Variants in FLI1 observed in about 807,000 individuals in gnomAD.
The protein encoded by FLI1 is Fli-1 proto-oncogene, ETS transcription factor, also known as Friend leukemia integration 1 transcription factor.
FLI1 carries 13 observed loss-of-function variants against 53.1 expected under a neutral mutation model. That is an observed-to-expected ratio of 0.24 (90% confidence interval 0.16 to 0.39). The LOEUF is 0.39. FLI1 is among the 10% of genes least tolerant of loss of function. The pLI is 1.00. For synonymous variants in FLI1, 244 were observed against 236.7 expected (o/e 1.03, Z -0.28); for missense variants, 424 against 600.5 (o/e 0.71, Z 3.07).
intron 2 of FLI1, among the ~76,000 whole-genome samples, chr11:128,760,295 G>T (rs1234708559): frequency 6.6e-6 from 1 of 152,166 alleles, no homozygotes; most frequent in Non-Finnish European, 1.5e-5. Flanking sequence ...TTTAAAGGAG[G>T]CAAAGTTGGA....
intron 1 of FLI1, among the ~76,000 whole-genome samples, chr11:128,740,512 C>T (rs1241858246): frequency 3.3e-5 from 5 of 152,226 alleles, no homozygotes; most frequent in Non-Finnish European, 7.3e-5. Context: ...ATACTTTTAG[C>T]TCCCCACTTT....
At chr11:128,728,250 G>A (rs771198962) in intron 1 of FLI1, among the ~76,000 whole-genome samples, 8 of 152,248 alleles carry the variant, frequency 5.3e-5, no homozygotes, top group Non-Finnish European at 1.0e-4. Flanking sequence ...GTGCACTTCC[G>A]GATTCCCTTT....
intron 4 of FLI1, 97 bp from the exon 5 acceptor site, chr11:128,781,861 C>G: frequency 2.1e-6 from 2 of 937,210 alleles, no homozygotes; most frequent in Non-Finnish European, 3.5e-6. Flanking sequence ...TCCCCTCTCC[C>G]CATCTCTTTC....
At chr11:128,686,695 C>T in exon 1 of FLI1, 1 of 347,156 alleles carries the variant, frequency 2.9e-6, no homozygotes, top group South Asian at 2.1e-5. Context: ...CGTCGTCTTA[C>T]ATCAAGGTAA....
At chr11:128,784,224 C>CTCCTCCTCCTCCTCCTCA (rs2135869289) in intron 5 of FLI1, among the ~76,000 whole-genome samples, 1 of 22,774 alleles carries the variant, frequency 4.4e-5, no homozygotes, top group South Asian at 1.2e-3. Context: ...TAACCATCTC[C>CTCCTCCTCCTCCTCCTCA]TCCTCCTCCT....
In FLI1 at chr11:128,811,177, C is replaced by G. The variant is rs1008675856; in HGVS notation, c.*189C>G. On this transcript the variant is annotated 3_prime_UTR_variant, in exon 9 of 9. Coordinates refer to ENST00000527786, the MANE Select transcript of FLI1 (RefSeq NM_002017.5). Reference sequence around the variant, plus strand: ...TGTTGGTAACTTTTGCTTCCTCTACCTGAACAAAGAGATGAATAATTCCAT... The same window carrying G: ...TGTTGGTAACTTTTGCTTCCTCTACGTGAACAAAGAGATGAATAATTCCAT... The G allele has an allele frequency of 1.7e-6, 1 of 600,762 alleles. No homozygotes were observed. Among genetic ancestry groups the G allele is most frequent in the African/African-American group, 1.9e-5 (1 of 53,860 alleles). The allele number at this position is 600,762 out of a possible 1,614,324, so 37.2% of individuals were successfully genotyped here.
intron 1 of FLI1, among the ~76,000 whole-genome samples, chr11:128,701,099 C>T (rs1212123425): frequency 6.6e-6 from 1 of 152,194 alleles, no homozygotes; most frequent in Non-Finnish European, 1.5e-5. Flanking sequence ...AGGCAACCAG[C>T]AGTGCTGTCT....
rs1343996201 is a variant in FLI1 at position 128,694,084 on chromosome 11, G to T, written c.-175G>T. 1 of 505,612 alleles carries T rather than the reference G, an allele frequency of 2.0e-6. No homozygotes were observed. Among genetic ancestry groups the T allele is most frequent in the East Asian group, 3.5e-5 (1 of 28,342 alleles). 31.3% of individuals were successfully genotyped at this position (505,612 alleles called of 1,614,324 possible). On this transcript the variant is annotated 5_prime_UTR_variant, in exon 1 of 9. Coordinates refer to ENST00000527786, the MANE Select transcript of FLI1 (RefSeq NM_002017.5). ...TCCGGTTAACTGTCTCTTTCGCTCC[G>T]CTACAACAACAAACGTGCACAGGGG...
intron 1 of FLI1, among the ~76,000 whole-genome samples, chr11:128,712,446 G>C (rs1409767542): frequency 1.3e-5 from 2 of 152,180 alleles, no homozygotes; most frequent in African/African-American, 4.8e-5. Context: ...AGCTAGTGCT[G>C]TTCTATGGTA....
intron 2 of FLI1, among the ~76,000 whole-genome samples, chr11:128,759,889 G>C (rs1485741411): frequency 6.6e-6 from 1 of 152,204 alleles, no homozygotes; most frequent in Admixed American, 6.5e-5. Context: ...AACTAGTCTA[G>C]ATTGAAGAGA....
At chr11:128,711,707 T>C (rs1938791144) in intron 1 of FLI1, among the ~76,000 whole-genome samples, 1 of 152,242 alleles carries the variant, frequency 6.6e-6, no homozygotes, top group Non-Finnish European at 1.5e-5. Context: ...GGCATTGTAC[T>C]TGCTTATTTT....
intron 1 of FLI1, among the ~76,000 whole-genome samples, chr11:128,751,558 G>C (rs1367202900): frequency 6.6e-6 from 1 of 151,450 alleles, no homozygotes; most frequent in East Asian, 1.9e-4. Flanking sequence ...ACGGAGTCTC[G>C]CTCTGTCGCC....
intron 1 of FLI1, among the ~76,000 whole-genome samples, chr11:128,726,432 G>C (rs966301041): frequency 8.5e-5 from 13 of 152,148 alleles, no homozygotes; most frequent in South Asian, 2.1e-4. Flanking sequence ...TGGCCCCAAG[G>C]CTGGACAGAG....
chr11:128,802,420 T>A (rs1372982881), intron 5 of FLI1, among the ~76,000 whole-genome samples: 5 of 152,056 alleles, frequency 3.3e-5, no homozygotes, highest in Non-Finnish European at 7.4e-5. Context: ...AAAAAAGAAA[T>A]GAGAGGGAGG....
intron 1 of FLI1, among the ~76,000 whole-genome samples, chr11:128,717,889 G>A (rs1255082327): frequency 6.6e-6 from 1 of 152,202 alleles, no homozygotes; most frequent in East Asian, 1.9e-4. Flanking sequence ...TCTAGTCCCT[G>A]AATAGAGGAG....
chr11:128,755,774 G>A (rs1353780030), intron 1 of FLI1, among the ~76,000 whole-genome samples: 1 of 152,198 alleles, frequency 6.6e-6, no homozygotes, highest in Non-Finnish European at 1.5e-5. Flanking sequence ...GTTGGGGGAT[G>A]TAAGTGTTTT....
At chr11:128,703,563 G>A (rs1330797983) in intron 1 of FLI1, among the ~76,000 whole-genome samples, 1 of 152,034 alleles carries the variant, frequency 6.6e-6, no homozygotes, top group Non-Finnish European at 1.5e-5. Flanking sequence ...CAAAATATTG[G>A]GCCGGGCACG....
chr11:128,741,857 T>C (rs1399188316), intron 1 of FLI1, among the ~76,000 whole-genome samples: 8 of 152,290 alleles, frequency 5.3e-5, no homozygotes, highest in Admixed American at 4.6e-4. Context: ...GCTTGGTTGG[T>C]TTCTGGGATG....
intron 1 of FLI1, among the ~76,000 whole-genome samples, chr11:128,757,102 T>TTCTC (rs1198594247): frequency 4.0e-4 from 51 of 128,776 alleles, no homozygotes; most frequent in Admixed American, 1.5e-3. Flanking sequence ...CTTTCTTTCT[T>TTCTC]TCTTTCTTTC....
Sources: allele counts gnomAD v4.1 joint callset (sites outside exome capture counted in the v4.1 genomes callset), GRCh38; gene constraint gnomAD v4.1.1; transcripts MANE v1.5; gene names NCBI Gene and HGNC (gene_info 2026-07-23, HGNC 2026-07-21).